Variants in PLD5 observed in about 807,000 individuals in gnomAD.
PLD5 encodes the protein phospholipase D family member 5.
PLD5 carries 36 observed loss-of-function variants against 61.1 expected under a neutral mutation model. The observed-to-expected ratio is 0.59, with a 90% CI of 0.45 to 0.78. The LOEUF (loss-of-function observed/expected upper bound fraction) is 0.78. Among genes scored for constraint, PLD5 ranks in the 30% least tolerant of loss-of-function variants. PLD5 has a pLI of 0.00. For synonymous variants in PLD5, 243 were observed against 242.8 expected, an observed-to-expected ratio of 1.00 and a Z score of -0.01; for missense variants, 515 against 644.4, an observed-to-expected ratio of 0.80 and a Z score of 2.17.
intron 5 of PLD5, among the ~76,000 whole-genome samples, chr1:242,204,082 G>GAA (rs34742543): frequency 6.9e-6 from 1 of 144,618 alleles, no homozygotes; most frequent in Admixed American, 6.9e-5. Flanking sequence ...TAAAAATACA[G>GAA]AAAAAAAAAA....
At chr1:242,160,567 T>C (rs1262021147) in intron 5 of PLD5, among the ~76,000 whole-genome samples, 1 of 152,170 alleles carries the variant, frequency 6.6e-6, no homozygotes. Context: ...TTCATGATTT[T>C]ATAGATAACT....
chr1:242,378,215 G>A (rs1048960161), intron 1 of PLD5, among the ~76,000 whole-genome samples: 22 of 152,166 alleles, frequency 1.4e-4, no homozygotes, highest in African/African-American at 4.1e-4. Context: ...ATGCCACAAC[G>A]AGTGAACCTT....
chr1:242,160,077 T>C (rs1665705462), intron 5 of PLD5, among the ~76,000 whole-genome samples: 1 of 152,048 alleles, frequency 6.6e-6, no homozygotes, highest in African/African-American at 2.4e-5. Flanking sequence ...AGTGACACAG[T>C]CATGGTTCAC....
chr1:242,507,549 C>A (rs1447251774), intron 1 of PLD5, among the ~76,000 whole-genome samples: 4 of 152,196 alleles, frequency 2.6e-5, no homozygotes, highest in Non-Finnish European at 5.9e-5. Context: ...TGGTGACTGC[C>A]CTGAGCTATA....
chr1:242,230,881 G>A (rs1671256766), intron 4 of PLD5, among the ~76,000 whole-genome samples: 1 of 152,120 alleles, frequency 6.6e-6, no homozygotes, highest in Non-Finnish European at 1.5e-5. Context: ...TCTCTTCCCT[G>A]TCATATATTT....
intron 2 of PLD5, among the ~76,000 whole-genome samples, chr1:242,327,612 T>C (rs971378973): frequency 7.2e-5 from 11 of 152,140 alleles, no homozygotes; most frequent in African/African-American, 2.4e-4. Context: ...AGCTGCATAT[T>C]TCAAATTTAC....
At chr1:242,181,793 C>CCA (rs1667535096) in intron 5 of PLD5, among the ~76,000 whole-genome samples, 1 of 152,044 alleles carries the variant, frequency 6.6e-6, no homozygotes. Context: ...CAGGCACTCA[C>CCA]CACCATGCCT....
intron 1 of PLD5, among the ~76,000 whole-genome samples, chr1:242,481,281 G>T (rs1407965981): frequency 2.0e-5 from 3 of 152,322 alleles, no homozygotes; most frequent in Admixed American, 6.5e-5. Context: ...CCCGGGAAGT[G>T]CAAGGGGTCA....
At chr1:242,189,243 G>T (rs1258150943) in intron 5 of PLD5, among the ~76,000 whole-genome samples, 1 of 152,040 alleles carries the variant, frequency 6.6e-6, no homozygotes, top group Non-Finnish European at 1.5e-5. Flanking sequence ...TCAGGAGTTT[G>T]AGACCAGCCT....
chr1:242,450,648 T>G (rs1485103820), intron 1 of PLD5, among the ~76,000 whole-genome samples: 1 of 152,198 alleles, frequency 6.6e-6, no homozygotes, highest in Non-Finnish European at 1.5e-5. Context: ...GAATATAATT[T>G]GTGCTGATGG....
At chr1:242,225,475 A>T (rs1312312520) in intron 4 of PLD5, among the ~76,000 whole-genome samples, 1 of 150,498 alleles carries the variant, frequency 6.6e-6, no homozygotes, top group East Asian at 2.0e-4. Context: ...GGAATGCACC[A>T]CACATAACGC....
In PLD5 at chr1:242,113,931, A is replaced by G. The variant is rs1345529766; in HGVS notation, c.1029T>C (p.Ala343=). The G allele has an allele frequency of 6.2e-7, 1 of 1,613,788 alleles. No individual in the cohort carries two copies. The highest frequency in any genetic ancestry group is 8.5e-7 in the Non-Finnish European group (1 of 1,179,844). Residue 343 remains alanine (A), a synonymous_variant, in exon 7 of 10, where the codon GCT becomes GCC. Coordinates refer to ENST00000536534, the MANE Select transcript of PLD5 (RefSeq NM_001372062.1). ...TGGAGATAGGCAGGTAGTCCATGAC[A>G]GCGATGTACACATACTGCTTGGCAT... ...IDDAKQYVYI[A]VMDYLPISST...
chr1:242,299,346 C>T (rs369229444), intron 2 of PLD5, among the ~76,000 whole-genome samples: 2 of 152,080 alleles, frequency 1.3e-5, no homozygotes, highest in Non-Finnish European at 2.9e-5. Flanking sequence ...CTATAGTCAC[C>T]CTGTTGTGCT....
At chr1:242,234,951 A>G (rs1286221519) in intron 4 of PLD5, among the ~76,000 whole-genome samples, 1 of 152,100 alleles carries the variant, frequency 6.6e-6, no homozygotes. Flanking sequence ...GCCACTTAGC[A>G]GCTAAGTGTC....
At chr1:242,163,185 C>A (rs1204770062) in intron 5 of PLD5, among the ~76,000 whole-genome samples, 2 of 146,394 alleles carry the variant, frequency 1.4e-5, no homozygotes, top group Admixed American at 7.1e-5. Flanking sequence ...ACTCTGTCAC[C>A]CAGGCTGGAG....
intron 1 of PLD5, among the ~76,000 whole-genome samples, chr1:242,449,005 T>G (rs904308768): frequency 6.6e-6 from 1 of 152,198 alleles, no homozygotes; most frequent in African/African-American, 2.4e-5. Flanking sequence ...CTTTGAAGAA[T>G]CTCATGGAAA....
chr1:242,201,769 A>G (rs1021791), intron 5 of PLD5, among the ~76,000 whole-genome samples: 63,888 of 152,110 alleles, frequency 0.42, 14,499 homozygotes, highest in East Asian at 0.67. Context: ...ATTATTTTGA[A>G]AACTTCCATG....
chr1:242,429,800 C>T (rs567729488), intron 1 of PLD5, among the ~76,000 whole-genome samples: 5 of 152,264 alleles, frequency 3.3e-5, no homozygotes, highest in South Asian at 2.1e-4. Context: ...TGGATTATAA[C>T]GTTCATTGAC....
chr1:242,458,799 GA>G (rs1206485170), intron 1 of PLD5, among the ~76,000 whole-genome samples: 9 of 152,182 alleles, frequency 5.9e-5, no homozygotes, highest in African/African-American at 2.2e-4. Flanking sequence ...TTAATAGTCA[GA>G]GCCAGAGACG....
Sources: allele counts gnomAD v4.1 joint callset (sites outside exome capture counted in the v4.1 genomes callset), GRCh38; gene constraint gnomAD v4.1.1; transcripts MANE v1.5; gene names NCBI Gene and HGNC (gene_info 2026-07-23, HGNC 2026-07-21).